The following HERC1 variants were observed in gnomAD, a reference collection of about 807,000 sequenced individuals.
HERC1 encodes the protein HECT and RLD domain containing E3 ubiquitin protein ligase family member 1.
HERC1 carries 160 observed loss-of-function variants against 554.3 expected under a neutral mutation model. The observed-to-expected ratio is 0.29, with a 90% CI of 0.25 to 0.33. The LOEUF (loss-of-function observed/expected upper bound fraction) is 0.33, where lower values mean the gene tolerates loss of function less well. Ranked by LOEUF, HERC1 falls within the 10% of genes least tolerant of loss-of-function variation. HERC1 has a pLI of 1.00. For synonymous variants in HERC1, 2,175 were observed against 2,131.7 expected (o/e 1.02, Z -0.56); for missense variants, 4,919 against 5,918.5 (o/e 0.83, Z 5.54).
chr15:63,812,271 A>G (rs1233653271), intron 1 of HERC1, among the ~76,000 whole-genome samples: 1 of 152,230 alleles, frequency 6.6e-6, no homozygotes, highest in Non-Finnish European at 1.5e-5. Flanking sequence ...ACAACCTTCC[A>G]TCTCTTAAAT....
At chr15:63,695,745 A>T (rs1407176777) in intron 27 of HERC1, among the ~76,000 whole-genome samples, 1 of 149,410 alleles carries the variant, frequency 6.7e-6, no homozygotes, top group Non-Finnish European at 1.5e-5. Flanking sequence ...TATGAAAGAC[A>T]TAAAGATAAC....
chr15:63,642,889 G>T, intron 59 of HERC1, 68 bp downstream of exon 59: 1 of 925,828 alleles, frequency 1.1e-6, no homozygotes, highest in Non-Finnish European at 1.7e-6. Context: ...AAGTGGGGTG[G>T]TTAGACTATG....
chr15:63,762,381 T>A (rs184311816), intron 3 of HERC1, among the ~76,000 whole-genome samples: 51 of 152,330 alleles, frequency 3.3e-4, no homozygotes, highest in Non-Finnish European at 5.9e-4. Context: ...TGGAGCACAG[T>A]GGCATGATCT....
intron 1 of HERC1, among the ~76,000 whole-genome samples, chr15:63,791,243 T>C (rs1016848632): frequency 1.3e-5 from 2 of 152,228 alleles, no homozygotes; most frequent in African/African-American, 4.8e-5. Flanking sequence ...ATTGGAATAT[T>C]TGCATTGTTG....
chr15:63,731,287 G>A (rs968840009), intron 14 of HERC1, among the ~76,000 whole-genome samples: 11 of 151,964 alleles, frequency 7.2e-5, no homozygotes, highest in African/African-American at 2.7e-4. Context: ...AACACTGTAG[G>A]GCCCTTGCTC....
intron 67 of HERC1, 25 bp downstream of exon 67, chr15:63,633,823 A>G: frequency 6.2e-7 from 1 of 1,608,018 alleles, no homozygotes; most frequent in Non-Finnish European, 8.5e-7. Context: ...GTTGTCTGAA[A>G]ACCTAGACTC....
intron 44 of HERC1, 97 bp from the exon 45 acceptor site, chr15:63,662,118 T>A: frequency 4.9e-6 from 6 of 1,215,108 alleles, no homozygotes; most frequent in Non-Finnish European, 6.7e-6. Flanking sequence ...TTATTACATA[T>A]GCTAGAATAT....
chr15:63,794,841 G>A (rs1247560763), intron 1 of HERC1, among the ~76,000 whole-genome samples: 5 of 151,890 alleles, frequency 3.3e-5, no homozygotes, highest in South Asian at 2.1e-4. Flanking sequence ...CGAGGTGGGC[G>A]GATCACCTGA....
chr15:63,730,623 G>A (rs1352571309), intron 14 of HERC1, among the ~76,000 whole-genome samples: 1 of 152,172 alleles, frequency 6.6e-6, no homozygotes, highest in Non-Finnish European at 1.5e-5. Flanking sequence ...TAACAGTTCT[G>A]TATCAATGTT....
chr15:63,791,729 C>T (rs1222968361), intron 1 of HERC1, among the ~76,000 whole-genome samples: 1 of 152,156 alleles, frequency 6.6e-6, no homozygotes, highest in Non-Finnish European at 1.5e-5. Flanking sequence ...CCCATTCACA[C>T]CAACTATAAT....
intron 66 of HERC1, 131 bp downstream of exon 66, chr15:63,634,602 T>C (rs1362076441): frequency 7.6e-6 from 5 of 655,550 alleles, no homozygotes; most frequent in Non-Finnish European, 1.2e-5. Context: ...AAATTATCAA[T>C]TAGACCATAG....
chr15:63,680,261 C>A lies in HERC1; in HGVS notation c.6466-101G>T. ...AATTGAAAGCTTTTATGAGACAGAACAAAAGTTACTAGATCAAATTCTCAA... is the reference window on the plus strand; with the variant it reads ...AATTGAAAGCTTTTATGAGACAGAAAAAAAGTTACTAGATCAAATTCTCAA... On this transcript the variant is annotated intron_variant, in intron 35 of 77. Transcript: ENST00000443617. The surrounding 1 kb of genome is among the most constrained non-coding windows in gnomAD (Gnocchi z 5.8). The A allele has an allele frequency of 1.1e-6, 1 of 896,434 alleles. No individual in the cohort carries two copies. Among genetic ancestry groups the A allele is most frequent in the South Asian group, 1.6e-5 (1 of 61,388 alleles). 55.5% of individuals were successfully genotyped at this position (896,434 alleles called of 1,614,324 possible). A position where few individuals can be genotyped will look rare whatever the true frequency, so the allele number is the denominator to read the frequency against.
In HERC1 at chr15:63,677,500, C is replaced by T. The variant is rs2071269764; in HGVS notation, c.7070+345G>A. ...AACAGATTAGCTGGCTGGCTTTTTA[C>T]TATGCCAGTGTGTAACAGAAATGAT... On this transcript the variant is annotated intron_variant, in intron 37 of 77. Coordinates refer to ENST00000443617, the MANE Select transcript of HERC1 (RefSeq NM_003922.4). The surrounding 1 kb of genome is among the most constrained non-coding windows in gnomAD (Gnocchi z 4.4). Among the ~76,000 whole-genome samples the T allele has an allele frequency of 6.6e-6, 1 of 152,210 alleles. No homozygotes were observed. Among genetic ancestry groups the T allele is most frequent in the Non-Finnish European group, 1.5e-5 (1 of 68,038 alleles).
intron 61 of HERC1, 47 bp downstream of exon 61, chr15:63,640,105 A>G: frequency 6.4e-7 from 1 of 1,572,114 alleles, no homozygotes; most frequent in South Asian, 1.1e-5. Flanking sequence ...CCCAATACCC[A>G]TGATAAAATC....
chr15:63,754,596 G>A lies in HERC1; in HGVS notation c.1683C>T (p.Ser561=). Residue 561 remains serine (S), a synonymous_variant, in exon 7 of 78, where the codon AGC becomes AGT. Coordinates refer to ENST00000443617, the MANE Select transcript of HERC1 (RefSeq NM_003922.4). ...RNIPTLVKDI[S]NVGEVSCGSS... The stretch of plus-strand genomic sequence containing the variant: ...TGCCACAAGAAACCTCTCCTACATT[G>A]CTGATGTCTTTTACTAATGTTGGAA... The A allele has an allele frequency of 6.2e-7, 1 of 1,613,240 alleles. No homozygotes were observed. The highest frequency in any genetic ancestry group is 8.5e-7 in the Non-Finnish European group (1 of 1,179,360).
chr15:63,718,121 C>CACACATAT lies in HERC1; in HGVS notation c.3978+452_3978+453insATATGTGT, dbSNP rs140819055. Among the ~76,000 whole-genome samples the CACACATAT allele has an allele frequency of 5.6e-5, 8 of 142,970 alleles. No individual in the cohort carries two copies. Among genetic ancestry groups the CACACATAT allele is most frequent in the African/African-American group, 1.3e-4 (5 of 37,988 alleles). The allele number at this position is 142,970 out of a possible 152,430, so 93.8% of individuals were successfully genotyped here. A position where few individuals can be genotyped will look rare whatever the true frequency, so the allele number is the denominator to read the frequency against. ...ACACACACACACACACACACACACA[C>CACACATAT]ACAACCCCCTCCTTGGTTTTCACTT... On this transcript the variant is annotated intron_variant, in intron 21 of 77. Coordinates refer to ENST00000443617, the MANE Select transcript of HERC1 (RefSeq NM_003922.4). The surrounding 1 kb of genome is among the most constrained non-coding windows in gnomAD (Gnocchi z 4.2).
At position 63,734,770 on chromosome 15, in the gene HERC1, A is replaced by G. The variant is rs768436262; in HGVS notation, c.2600T>C (p.Leu867Pro). The change falls in exon 13 of 78, where the codon CTT (leucine) becomes CCT (proline). Residue 867 changes from leucine to proline, a missense_variant. This residue lies in a region of HERC1 where 744 missense variants were observed against 1,090.0 expected (regional missense o/e 0.68). Transcript: ENST00000443617. The surrounding 1 kb of genome is among the most constrained non-coding windows in gnomAD (Gnocchi z 4.6). ...CCATCTATCAGGTCCTTGAGGTAAA[A>G]GAGAATGAAGTAATTCCATCCGTTC... ...LRERMELLHS[L>P]LPQGPDRWES... The G allele has an allele frequency of 6.3e-7, 1 of 1,596,190 alleles. No individual in the cohort carries two copies. Among genetic ancestry groups the G allele is most frequent in the Non-Finnish European group, 8.5e-7 (1 of 1,173,768 alleles).
intron 1 of HERC1, among the ~76,000 whole-genome samples, chr15:63,803,566 G>A (rs1271792417): frequency 1.2e-4 from 19 of 152,132 alleles, no homozygotes; most frequent in Admixed American, 1.2e-3. Flanking sequence ...AGGATTATAG[G>A]CGTGAGCCAA....
intron 38 of HERC1, among the ~76,000 whole-genome samples, chr15:63,673,148 T>G (rs1265761139): frequency 2.0e-5 from 3 of 152,088 alleles, no homozygotes; most frequent in Non-Finnish European, 1.5e-5. Flanking sequence ...AACTTCACAA[T>G]TTAAAAAGGA....
Sources: gnomAD v4.1 joint callset for allele counts (sites outside exome capture counted in the v4.1 genomes callset) on GRCh38, gnomAD v4.1.1 for gene constraint, gnomAD v4.1.1 regional missense constraint, Gnocchi (gnomAD v3.1) non-coding constraint, MANE v1.5 for transcripts, NCBI Gene and HGNC (gene_info 2026-07-23, HGNC 2026-07-21) for gene names.